The following FAM149B1 variants were observed in gnomAD, a reference collection of about 807,000 sequenced individuals.
FAM149B1 encodes primary cilium assembly protein FAM149B1.
In FAM149B1, 56 loss-of-function variants were observed where a neutral mutation model predicts 75.3. The observed-to-expected ratio is 0.74, with a 90% CI of 0.60 to 0.93. The LOEUF is 0.93. Among genes scored for constraint, FAM149B1 ranks in the 40% least tolerant of loss-of-function variants. The probability of loss-of-function intolerance (pLI) is 0.00; values close to 1 mark genes in which losing one functional copy is unlikely to be tolerated. For synonymous variants in FAM149B1, 259 were observed against 256.1 expected, an observed-to-expected ratio of 1.01 and a Z score of -0.11; for missense variants, 639 against 708.4, an observed-to-expected ratio of 0.90 and a Z score of 1.11.
intron 5 of FAM149B1, among the ~76,000 whole-genome samples, chr10:73,207,749 A>G (rs991782459): frequency 6.6e-6 from 1 of 152,098 alleles, no homozygotes; most frequent in Non-Finnish European, 1.5e-5. Flanking sequence ...TGACTCCCCT[A>G]CTGGGTTTTG....
intron 13 of FAM149B1, among the ~76,000 whole-genome samples, 183 bp downstream of exon 13, chr10:73,239,567 G>C (rs2043896702): frequency 6.6e-6 from 1 of 151,916 alleles, no homozygotes; most frequent in South Asian, 2.1e-4. Context: ...AGCTAGGAGA[G>C]TTCTATTGCT....
intron 7 of FAM149B1, among the ~76,000 whole-genome samples, chr10:73,213,405 C>T (rs1038999890): frequency 1.4e-4 from 22 of 152,104 alleles, no homozygotes; most frequent in African/African-American, 4.8e-4. Context: ...TTTGCCTGGA[C>T]AATGTCCAGA....
chr10:73,233,138 G>A lies in FAM149B1; in HGVS notation c.1327G>A (p.Glu443Lys). Reference sequence around the variant, plus strand: ...ATGTGCTGAAACACCAAGATCTGTGGAAGAAATCCTCAGAGGAGCCCGAGT... The same window carrying A: ...ATGTGCTGAAACACCAAGATCTGTGAAAGAAATCCTCAGAGGAGCCCGAGT... Reference protein sequence around the residue: ...HSCAETPRSVEEILRGARVPV... With the variant: ...HSCAETPRSVKEILRGARVPV... Residue 443 changes from glutamate to lysine, a missense_variant, in exon 10 of 14, where the codon GAA becomes AAA. Glu to Lys is a moderately conservative substitution (Grantham distance 56, BLOSUM62 1). Transcript: ENST00000242505. 1 of 1,551,686 alleles carries A rather than the reference G, an allele frequency of 6.4e-7. No individual in the cohort carries two copies. Among genetic ancestry groups the A allele is most frequent in the Non-Finnish European group, 8.7e-7 (1 of 1,146,942 alleles).
At chr10:73,228,924 TCTCA>T (rs1475988914) in intron 8 of FAM149B1, among the ~76,000 whole-genome samples, 7 of 151,858 alleles carry the variant, frequency 4.6e-5, no homozygotes, top group East Asian at 1.9e-4. Context: ...GAGAGAGGAG[TCTCA>T]CTATGTTGCC....
At chr10:73,240,924 G>A (rs1453992486) in intron 13 of FAM149B1, 22 bp from the exon 14 acceptor site, 2 of 1,413,242 alleles carry the variant, frequency 1.4e-6, no homozygotes, top group Non-Finnish European at 1.9e-6. Context: ...GTCTACTAAT[G>A]TTACTCTATG....
rs545596727 is a variant in FAM149B1, at chr10:73,190,337, G to A, written c.283-2219G>A. On this transcript the variant is annotated intron_variant, in intron 3 of 13. Transcript: ENST00000242505. The stretch of plus-strand genomic sequence containing the variant: ...GAGAGGGGTCTTGCTATATTGTCCA[G>A]GTTGGAACACAATGGCTAGCCACAA... Among the ~76,000 whole-genome samples, 21 of 151,700 alleles carry A rather than the reference G, an allele frequency of 1.4e-4. No homozygotes were observed. The South Asian group carries it at 4.4e-3, about 32-fold the overall frequency.
chr10:73,224,471 C>CTTTTTTT (rs1178386006), intron 7 of FAM149B1, among the ~76,000 whole-genome samples: 1 of 135,412 alleles, frequency 7.4e-6, no homozygotes, highest in African/African-American at 2.8e-5. Context: ...ATTATTACAA[C>CTTTTTTT]TTTTTTTTTT....
intron 3 of FAM149B1, among the ~76,000 whole-genome samples, chr10:73,185,253 A>G (rs2042492457): frequency 6.6e-6 from 1 of 152,232 alleles, no homozygotes; most frequent in African/African-American, 2.4e-5. Flanking sequence ...CTAAATTAAT[A>G]ATTAAAAATC....
At chr10:73,232,143 A>ACTT (rs1363924757) in intron 9 of FAM149B1, among the ~76,000 whole-genome samples, 1 of 152,110 alleles carries the variant, frequency 6.6e-6, no homozygotes, top group African/African-American at 2.4e-5. Flanking sequence ...TTATTCTTTC[A>ACTT]CTTCTCTTCC....
At chr10:73,205,534 T>A (rs1473973443) in intron 5 of FAM149B1, among the ~76,000 whole-genome samples, 2 of 151,782 alleles carry the variant, frequency 1.3e-5, no homozygotes, top group African/African-American at 4.8e-5. Context: ...CAGTCTCAGG[T>A]ATTTTTGTTT....
At chr10:73,224,577 TTCTCC>T (rs2043493567) in intron 7 of FAM149B1, among the ~76,000 whole-genome samples, 1 of 151,752 alleles carries the variant, frequency 6.6e-6, no homozygotes, top group Non-Finnish European at 1.5e-5. Flanking sequence ...GTTTAAGTGA[TTCTCC>T]TGCCTCAGCC....
intron 1 of FAM149B1, among the ~76,000 whole-genome samples, chr10:73,172,284 A>G (rs1843748481): frequency 6.6e-6 from 1 of 152,200 alleles, no homozygotes; most frequent in South Asian, 2.1e-4. Context: ...GAAATAATTT[A>G]AAGTGCAAGC....
At chr10:73,188,671 C>T (rs991294907) in intron 3 of FAM149B1, among the ~76,000 whole-genome samples, 3 of 148,630 alleles carry the variant, frequency 2.0e-5, no homozygotes, top group African/African-American at 7.5e-5. Context: ...CAGTGAGGTG[C>T]AGGAGGTCGT....
At chr10:73,219,342 TAC>T (rs1204238083) in intron 7 of FAM149B1, among the ~76,000 whole-genome samples, 34 of 152,318 alleles carry the variant, frequency 2.2e-4, no homozygotes, top group African/African-American at 7.5e-4. Flanking sequence ...CAAATAGATC[TAC>T]AGTTTCAGTA....
chr10:73,202,207 T>C (rs2042954980), intron 5 of FAM149B1, among the ~76,000 whole-genome samples: 2 of 152,132 alleles, frequency 1.3e-5, no homozygotes, highest in Admixed American at 6.6e-5. Flanking sequence ...GACAACTTTA[T>C]GGTGTAGAAT....
In FAM149B1 at chr10:73,243,658, T is replaced by C. The variant is rs2043977635; in HGVS notation, c.*2639T>C. 1.1e-5 allele frequency: 13 copies of C among 1,223,176 alleles called. No homozygotes were observed. Among genetic ancestry groups the C allele is most frequent in the Non-Finnish European group, 1.5e-5 (13 of 871,764 alleles). 75.8% of individuals were successfully genotyped at this position (1,223,176 alleles called of 1,614,324 possible). A position where few individuals can be genotyped will look rare whatever the true frequency, so the allele number is the denominator to read the frequency against. On this transcript the variant is annotated 3_prime_UTR_variant, in exon 14 of 14. Transcript: ENST00000242505. Reference sequence around the variant, plus strand: ...TTGGAATGGTGAAAATGTCCTACAATTGGTGTTAATAATTGTAAAACTTTG... The same window carrying C: ...TTGGAATGGTGAAAATGTCCTACAACTGGTGTTAATAATTGTAAAACTTTG...
rs570859647 is a variant in FAM149B1 at position 73,243,159 on chromosome 10, C to T, written c.*2140C>T. ...TGTCAGGAAGGACACTGCCTCCCTCCACCCTCCCAAATGTCACCACCAAGT... is the reference window on the plus strand; with the variant it reads ...TGTCAGGAAGGACACTGCCTCCCTCTACCCTCCCAAATGTCACCACCAAGT... On this transcript the variant is annotated 3_prime_UTR_variant, in exon 14 of 14. Transcript: ENST00000242505. 11 of 462,390 alleles carry T rather than the reference C, an allele frequency of 2.4e-5. No homozygotes were observed. The East Asian group carries it at 4.7e-4, about 20-fold the overall frequency. The allele number at this position is 462,390 out of a possible 1,614,324, so 28.6% of individuals were successfully genotyped here.
intron 3 of FAM149B1, among the ~76,000 whole-genome samples, chr10:73,188,766 G>GA (rs1431962947): frequency 1.8e-5 from 2 of 113,030 alleles, no homozygotes; most frequent in South Asian, 4.8e-4. Context: ...GGGAAGGAAG[G>GA]AAGGAAGGAA....
At chr10:73,214,829 T>C (rs538254502) in intron 7 of FAM149B1, among the ~76,000 whole-genome samples, 1 of 152,306 alleles carries the variant, frequency 6.6e-6, no homozygotes, top group South Asian at 2.1e-4. Flanking sequence ...TTAAGGAGAA[T>C]TCCCTCCTTT....
Sources: gnomAD v4.1 joint callset for allele counts (sites outside exome capture counted in the v4.1 genomes callset) on GRCh38, gnomAD v4.1.1 for gene constraint, MANE v1.5 for transcripts, NCBI Gene and HGNC (gene_info 2026-07-23, HGNC 2026-07-21) for gene names.